The following HTT variants were observed in gnomAD, a reference collection of about 807,000 sequenced individuals.
HTT encodes the protein huntington disease protein.
A neutral mutation model predicts 362.3 loss-of-function variants in HTT; 104 were observed. That is an observed-to-expected ratio of 0.29 (90% CI 0.24 to 0.34). The LOEUF is 0.34. Ranked by LOEUF, HTT falls within the 10% of genes least tolerant of loss-of-function variation. HTT has a pLI of 1.00. For missense variants in HTT, 3,301 were observed against 3,928.6 expected (o/e 0.84, Z 4.27); for synonymous variants, 1,577 against 1,548.7 (o/e 1.02, Z -0.43).
At chr4:3,176,752 G>T (rs1330887153) in intron 33 of HTT, among the ~76,000 whole-genome samples, 2 of 152,196 alleles carry the variant, frequency 1.3e-5, no homozygotes, top group African/African-American at 2.4e-5. Flanking sequence ...ACAAACCATT[G>T]AACTCTATGC....
chr4:3,105,256 A>G, intron 4 of HTT, 101 bp from the exon 5 acceptor site: 1 of 795,230 alleles, frequency 1.3e-6, no homozygotes. Flanking sequence ...CCTTTTCTCT[A>G]AAATTAGAAA....
intron 37 of HTT, among the ~76,000 whole-genome samples, chr4:3,183,137 C>T (rs1718606580): frequency 6.6e-6 from 1 of 152,248 alleles, no homozygotes; most frequent in East Asian, 1.9e-4. Context: ...CAACCTTGGC[C>T]TGCCAAAGTG....
At chr4:3,133,086 A>G (rs1211424420) in intron 18 of HTT, among the ~76,000 whole-genome samples, 175 bp downstream of exon 18, 1 of 152,216 alleles carries the variant, frequency 6.6e-6, no homozygotes, top group Non-Finnish European at 1.5e-5. Flanking sequence ...AGTAAAGTTA[A>G]TGCTTCATAA....
At chr4:3,211,838 C>T (rs758215105) in intron 47 of HTT, 91 bp from the exon 48 acceptor site, 15 of 928,194 alleles carry the variant, frequency 1.6e-5, no homozygotes, top group East Asian at 2.4e-5. Context: ...AAACATTTGC[C>T]TTATTCTTTT....
Position 3,206,474 on chromosome 4 carries a change from C to T in HTT, c.5719-22C>T. ...TCTTCTTGTGTACTTGAAAATGAAT[C>T]TCTCATCATATTTTTCCTTAGTGTC... is the stretch of plus-strand genomic sequence containing the variant. On this transcript the variant is annotated intron_variant, in intron 42 of 66. Transcript: ENST00000355072. The surrounding 1 kb of genome is among the most constrained non-coding windows in gnomAD (Gnocchi z 4.6). 1 of 1,598,394 alleles carries T rather than the reference C, an allele frequency of 6.3e-7. No individual in the cohort carries two copies. Among genetic ancestry groups the T allele is most frequent in the African/African-American group, 1.3e-5 (1 of 74,612 alleles).
chr4:3,209,333 GGAGCCTTGGTAGAGCCTTGGTA>G (rs931213697), intron 46 of HTT, among the ~76,000 whole-genome samples: 2 of 152,174 alleles, frequency 1.3e-5, no homozygotes, highest in Admixed American at 6.5e-5. Flanking sequence ...GGGACCACCT[GGAGCCTTGGTAGAGCCTTGGTA>G]GAGCCTTGGT....
chr4:3,239,237 G>C (rs1013774945), intron 66 of HTT, among the ~76,000 whole-genome samples: 1 of 152,192 alleles, frequency 6.6e-6, no homozygotes, highest in Non-Finnish European at 1.5e-5. Context: ...TGGAGGGCCT[G>C]GGTGAGGGGA....
At chr4:3,143,333 A>T (rs1370483597) in intron 23 of HTT, among the ~76,000 whole-genome samples, 2 of 147,856 alleles carry the variant, frequency 1.4e-5, no homozygotes, top group Non-Finnish European at 3.0e-5. Flanking sequence ...GCTACTCAGG[A>T]GGCTGAGGCA....
At chr4:3,189,157 G>A (rs1296367927) in intron 40 of HTT, 64 bp downstream of exon 40, 4 of 1,526,276 alleles carry the variant, frequency 2.6e-6, no homozygotes, top group Non-Finnish European at 3.6e-6. Context: ...TACACTCTCA[G>A]AGTGTAGGAG....
chr4:3,074,943 C>A lies in HTT; in HGVS notation c.118C>A (p.Pro40Thr). ...GCAGCAGCAGCAGCAGCAACAGCCG[C>A]CACCGCCGCCGCCGCCGCCGCCGCC... ...QQQQQQQQQP[P>T]PPPPPPPPPQ... The change falls in exon 1 of 67, where the codon CCA (proline) becomes ACA (threonine). Residue 40 changes from proline (P) to threonine (T), a missense_variant. By Grantham distance (38) the Pro-to-Thr change is conservative. Coordinates refer to ENST00000355072, the MANE Select transcript of HTT (RefSeq NM_001388492.1). The A allele has an allele frequency of 6.7e-7, 1 of 1,485,132 alleles. No homozygotes were observed. The highest frequency in any genetic ancestry group is 2.1e-5 in the Admixed American group (1 of 47,352). The allele number at this position is 1,485,132 out of a possible 1,614,324, so 92.0% of individuals were successfully genotyped here. A position where few individuals can be genotyped will look rare whatever the true frequency, so the allele number is the denominator to read the frequency against.
chr4:3,165,703 C>T (rs1014096383), intron 29 of HTT, among the ~76,000 whole-genome samples: 5 of 151,840 alleles, frequency 3.3e-5, no homozygotes, highest in East Asian at 1.9e-4. Context: ...TTGATTGAAT[C>T]GGCTGTCGAA....
At position 3,157,144 on chromosome 4, in the gene HTT, T is replaced by A; in HGVS notation, c.3698T>A (p.Leu1233His). ...TCATCACTGGGGAGTTTCTATCATCTTCCTTCATACCTCAAACTGCATGAT... is the reference window on the plus strand; with the variant it reads ...TCATCACTGGGGAGTTTCTATCATCATCCTTCATACCTCAAACTGCATGAT... ...KSSSLGSFYHLPSYLKLHDVL... is the reference protein window; with the variant it reads ...KSSSLGSFYHHPSYLKLHDVL... The change falls in exon 28 of 67, where the codon CTT (leucine) becomes CAT (histidine). Residue 1233 changes from leucine (L) to histidine (H), a missense_variant. Leu to His is a moderately conservative substitution (Grantham distance 99). Coordinates refer to ENST00000355072, the MANE Select transcript of HTT (RefSeq NM_001388492.1). 2.5e-6 allele frequency: 4 copies of A among 1,613,636 alleles called. No homozygotes were observed. Among genetic ancestry groups the A allele is most frequent in the Non-Finnish European group, 3.4e-6 (4 of 1,179,560 alleles).
At chr4:3,172,784 A>T in intron 30 of HTT, 124 bp from the exon 31 acceptor site, 1 of 732,452 alleles carries the variant, frequency 1.4e-6, no homozygotes, top group Non-Finnish European at 2.4e-6. Context: ...CACAGGAAGA[A>T]TTTCACGCTG....
rs570216430 is a variant in HTT, at chr4:3,243,147, T to G, written c.*3088T>G. On this transcript the variant is annotated 3_prime_UTR_variant, in exon 67 of 67. Coordinates refer to ENST00000355072, the MANE Select transcript of HTT (RefSeq NM_001388492.1). ...AGCCCCACGTGGAGCTCGGGACGGA[T>G]AGTAGACAGCAATAACTCGGTGTGT... The G allele has an allele frequency of 6.5e-6, 1 of 152,776 alleles. No individual in the cohort carries two copies. Among genetic ancestry groups the G allele is most frequent in the African/African-American group, 2.4e-5 (1 of 41,566 alleles). 9.5% of individuals were successfully genotyped at this position (152,776 alleles called of 1,614,324 possible).
intron 57 of HTT, among the ~76,000 whole-genome samples, chr4:3,227,155 G>T (rs192437466): frequency 1.3e-5 from 2 of 152,350 alleles, no homozygotes; most frequent in East Asian, 3.9e-4. Flanking sequence ...TGTTTGCGTT[G>T]TGTCCAGCGT....
At chr4:3,141,424 T>C (rs1346902303) in intron 22 of HTT, among the ~76,000 whole-genome samples, 1 of 152,202 alleles carries the variant, frequency 6.6e-6, no homozygotes, top group African/African-American at 2.4e-5. Flanking sequence ...AAAGTCATAA[T>C]TCCTGAATAA....
At chr4:3,231,884 A>G (rs1239380607) in intron 60 of HTT, among the ~76,000 whole-genome samples, 4 of 152,194 alleles carry the variant, frequency 2.6e-5, no homozygotes, top group African/African-American at 9.7e-5. Flanking sequence ...AGAAATAATC[A>G]TTTTGAAAAG....
Position 3,125,634 on chromosome 4 carries a change from T to G in HTT, c.1402+5T>G. 1 of 1,601,500 alleles carries G rather than the reference T, an allele frequency of 6.2e-7. No homozygotes were observed. The highest frequency in any genetic ancestry group is 1.1e-5 in the South Asian group (1 of 90,776). ...TCAGCAGCTCTGCCTTAACAGGTAGTTCTCACTAGTTAGCCGCTGGTGTGG... is the reference window on the plus strand; with the variant it reads ...TCAGCAGCTCTGCCTTAACAGGTAGGTCTCACTAGTTAGCCGCTGGTGTGG... On this transcript the variant is annotated splice_donor_5th_base_variant and intron_variant, in intron 11 of 66. Transcript: ENST00000355072.
intron 31 of HTT, 25 bp from the exon 32 acceptor site, chr4:3,174,696 C>T: frequency 1.3e-6 from 2 of 1,569,244 alleles, no homozygotes; most frequent in Non-Finnish European, 1.8e-6. Context: ...TCATTCTCTG[C>T]TTCCCTTTTA....
Sources: gnomAD v4.1 joint callset for allele counts (sites outside exome capture counted in the v4.1 genomes callset) on GRCh38, gnomAD v4.1.1 for gene constraint, Gnocchi (gnomAD v3.1) non-coding constraint, MANE v1.5 for transcripts, NCBI Gene and HGNC (gene_info 2026-07-23, HGNC 2026-07-21) for gene names.